The following CTNNA3 variants were observed in gnomAD, a reference collection of about 807,000 sequenced individuals.
CTNNA3 encodes the protein catenin alpha-3.
In CTNNA3, 76 loss-of-function variants were observed where a neutral mutation model predicts 95.7. That is an observed-to-expected ratio of 0.79 (90% CI 0.66 to 0.96). The LOEUF (loss-of-function observed/expected upper bound fraction) is 0.96. CTNNA3 is among the 40% of genes least tolerant of loss of function. The pLI is 0.00. For missense variants in CTNNA3, 1,191 were observed against 1,089.8 expected (o/e 1.09, Z -1.31); for synonymous variants, 431 against 374.4 (o/e 1.15, Z -1.74).
At chr10:66,386,308 A>G (rs144720300) in intron 11 of CTNNA3, among the ~76,000 whole-genome samples, 2,242 of 152,270 alleles carry the variant, frequency 0.015, 19 homozygotes, top group Middle Eastern at 0.031. Context: ...TTAACAGACA[A>G]ACAAAGAGCC....
At chr10:66,240,865 A>T (rs1402657939) in intron 13 of CTNNA3, among the ~76,000 whole-genome samples, 1 of 152,112 alleles carries the variant, frequency 6.6e-6, no homozygotes, top group Non-Finnish European at 1.5e-5. Context: ...ATGGAAAAAC[A>T]TTGTTTAGTA....
At chr10:67,626,827 C>G (rs1292022470) in intron 2 of CTNNA3, among the ~76,000 whole-genome samples, 1 of 152,110 alleles carries the variant, frequency 6.6e-6, no homozygotes, top group African/African-American at 2.4e-5. Flanking sequence ...TACATGATAT[C>G]AAATTGACTT....
chr10:65,942,324 C>T (rs1003324338), intron 17 of CTNNA3, among the ~76,000 whole-genome samples: 6 of 151,998 alleles, frequency 3.9e-5, no homozygotes, highest in Admixed American at 2.6e-4. Context: ...GTCAAGAGAT[C>T]GAGACCATCC....
intron 13 of CTNNA3, among the ~76,000 whole-genome samples, chr10:66,263,622 C>T (rs985758654): frequency 1.3e-5 from 2 of 151,938 alleles, no homozygotes; most frequent in Non-Finnish European, 2.9e-5. Context: ...TTTTGGAAGT[C>T]TAATCCCCTC....
intron 7 of CTNNA3, among the ~76,000 whole-genome samples, chr10:67,074,433 C>T (rs1856638570): frequency 6.9e-6 from 1 of 145,420 alleles, no homozygotes; most frequent in Non-Finnish European, 1.5e-5. Flanking sequence ...TCACTGCAAG[C>T]TCCACCTCCC....
intron 7 of CTNNA3, among the ~76,000 whole-genome samples, chr10:66,957,507 C>A (rs561496993): frequency 6.7e-6 from 1 of 148,662 alleles, no homozygotes; most frequent in South Asian, 2.1e-4. Flanking sequence ...TTTTCTTGTA[C>A]TCTTGGGCAT....
chr10:67,217,441 G>A (rs74142443), intron 6 of CTNNA3, among the ~76,000 whole-genome samples: 5,473 of 152,256 alleles, frequency 0.036, 115 homozygotes, highest in South Asian at 0.09. Flanking sequence ...TTCAAAGGTT[G>A]TTCAGACAGT....
At chr10:67,589,523 T>A (rs1842732386) in intron 3 of CTNNA3, among the ~76,000 whole-genome samples, 1 of 152,188 alleles carries the variant, frequency 6.6e-6, no homozygotes. Flanking sequence ...ACTGTTATAC[T>A]GACTAATCAC....
At chr10:66,944,464 C>A (rs932702223) in intron 7 of CTNNA3, among the ~76,000 whole-genome samples, 12 of 152,160 alleles carry the variant, frequency 7.9e-5, no homozygotes, top group African/African-American at 2.9e-4. Flanking sequence ...CAAAGTCATC[C>A]ATGAGGGTTG....
At chr10:66,465,287 G>A (rs971401487) in intron 11 of CTNNA3, among the ~76,000 whole-genome samples, 1 of 152,092 alleles carries the variant, frequency 6.6e-6, no homozygotes, top group Non-Finnish European at 1.5e-5. Flanking sequence ...CACTGTGAGT[G>A]TCCTTAAAGG....
chr10:66,089,754 A>C (rs1034861052), intron 14 of CTNNA3, among the ~76,000 whole-genome samples: 7 of 148,660 alleles, frequency 4.7e-5, no homozygotes, highest in African/African-American at 1.7e-4. Context: ...CCAGTATCTC[A>C]GAGAAATATA....
At chr10:67,749,506 A>G (rs947907180) in intron 1 of CTNNA3, among the ~76,000 whole-genome samples, 1 of 152,224 alleles carries the variant, frequency 6.6e-6, no homozygotes, top group African/African-American at 2.4e-5. Context: ...AGATTAAGAA[A>G]GTGACTCAAA....
At chr10:67,317,561 G>T (rs906409232) in intron 5 of CTNNA3, among the ~76,000 whole-genome samples, 1 of 151,984 alleles carries the variant, frequency 6.6e-6, no homozygotes, top group Admixed American at 6.6e-5. Flanking sequence ...AAGTAGCTGG[G>T]ACTACAGGCA....
chr10:66,972,700 ATTTTTTTTT>A (rs56664927), intron 7 of CTNNA3, among the ~76,000 whole-genome samples: 2 of 108,656 alleles, frequency 1.8e-5, no homozygotes, highest in South Asian at 3.4e-4. Context: ...TGTCAAATAG[ATTTTTTTTT>A]TTTTTTTTTT....
At chr10:66,630,299 A>T (rs1436503072) in intron 9 of CTNNA3, among the ~76,000 whole-genome samples, 1 of 152,044 alleles carries the variant, frequency 6.6e-6, no homozygotes, top group Non-Finnish European at 1.5e-5. Context: ...GAGGAATGAA[A>T]TTTTTCCTTT....
In CTNNA3 at chr10:66,499,937, G is replaced by A. The variant is rs556601744; in HGVS notation, c.1531+20680C>T. ...CCTGCCTCAGCCTCCGGAGTAGCTG[G>A]GATTACAGGTGCCCGCCACCATGCC... On this transcript the variant is annotated intron_variant, in intron 11 of 17. Transcript: ENST00000433211. Among the ~76,000 whole-genome samples the A allele has an allele frequency of 1.7e-4, 26 of 151,888 alleles. No homozygotes were observed. In the East Asian group the frequency reaches 5.0e-3, roughly 29 times the overall value.
At chr10:66,782,524 T>C (rs1193339436) in intron 7 of CTNNA3, among the ~76,000 whole-genome samples, 5 of 152,280 alleles carry the variant, frequency 3.3e-5, no homozygotes, top group African/African-American at 7.2e-5. Flanking sequence ...AATCATCTCA[T>C]TTGTTCTTTC....
intron 13 of CTNNA3, among the ~76,000 whole-genome samples, chr10:66,203,242 A>G (rs913142752): frequency 6.6e-6 from 1 of 152,338 alleles, no homozygotes; most frequent in Admixed American, 6.5e-5. Flanking sequence ...TAGATGAATC[A>G]GTAAAGAATC....
intron 11 of CTNNA3, among the ~76,000 whole-genome samples, chr10:66,479,392 A>T (rs766303713): frequency 6.6e-6 from 1 of 152,062 alleles, no homozygotes; most frequent in African/African-American, 2.4e-5. Context: ...TTGTACTTTC[A>T]TATAAAATCT....
Sources: gnomAD v4.1 joint callset for allele counts (sites outside exome capture counted in the v4.1 genomes callset) on GRCh38, gnomAD v4.1.1 for gene constraint, MANE v1.5 for transcripts, NCBI Gene and HGNC (gene_info 2026-07-23, HGNC 2026-07-21) for gene names.